Variants in NEK1 observed in about 807,000 individuals in gnomAD.
NEK1 encodes the protein NIMA related kinase 1.
NEK1 carries 137 observed loss-of-function variants against 182.1 expected under a neutral mutation model. The ratio of observed to expected loss-of-function variants is 0.75; its 90% CI spans 0.65 to 0.87. NEK1 has a LOEUF of 0.87. NEK1 is among the 40% of genes least tolerant of loss of function. NEK1 has a pLI of 0.00. For missense variants in NEK1, 1,391 were observed against 1,494.4 expected (o/e 0.93, Z 1.14); for synonymous variants, 513 against 492.2 (o/e 1.04, Z -0.56).
At chr4:169,561,775 G>C (rs1762944586) in intron 14 of NEK1, 38 bp from the exon 15 acceptor site, 2 of 1,597,666 alleles carry the variant, frequency 1.3e-6, no homozygotes, top group Non-Finnish European at 1.7e-6. Context: ...TACAACTCTT[G>C]AACCTATTAT....
chr4:169,580,657 G>T (rs1013412056), intron 11 of NEK1, among the ~76,000 whole-genome samples, 185 bp downstream of exon 11: 1 of 151,866 alleles, frequency 6.6e-6, no homozygotes, highest in Admixed American at 6.6e-5. Context: ...AACAATAAAT[G>T]AGAATGTTAT....
At chr4:169,579,914 G>T (rs930456006) in intron 11 of NEK1, among the ~76,000 whole-genome samples, 2 of 152,070 alleles carry the variant, frequency 1.3e-5, no homozygotes, top group Non-Finnish European at 2.9e-5. Flanking sequence ...ATTCAAAATG[G>T]AGTAGTACAA....
At chr4:169,482,457 T>A (rs1401507416) in intron 23 of NEK1, among the ~76,000 whole-genome samples, 1 of 151,756 alleles carries the variant, frequency 6.6e-6, no homozygotes, top group East Asian at 1.9e-4. Flanking sequence ...CACATCCAGC[T>A]AATTTTTCTT....
chr4:169,489,968 G>C (rs1160564136), intron 23 of NEK1, among the ~76,000 whole-genome samples: 2 of 151,988 alleles, frequency 1.3e-5, no homozygotes, highest in African/African-American at 4.8e-5. Flanking sequence ...AGTGGGCCCA[G>C]GACCCTAGCA....
chr4:169,463,833 A>C (rs1212125243), intron 26 of NEK1, among the ~76,000 whole-genome samples: 1 of 152,054 alleles, frequency 6.6e-6, no homozygotes, highest in East Asian at 1.9e-4. Context: ...GAGTCTCACT[A>C]TGTTGCCCAG....
intron 19 of NEK1, 92 bp from the exon 20 acceptor site, chr4:169,508,944 TG>T: frequency 2.0e-6 from 2 of 1,001,430 alleles, no homozygotes; most frequent in Admixed American, 2.2e-5. Context: ...TTATTTCTTT[TG>T]GCAAATACTG....
At chr4:169,566,186 A>G (rs1051058658) in intron 12 of NEK1, among the ~76,000 whole-genome samples, 1 of 152,230 alleles carries the variant, frequency 6.6e-6, no homozygotes, top group African/African-American at 2.4e-5. Flanking sequence ...GATTATATAT[A>G]TATTACACAA....
intron 19 of NEK1, among the ~76,000 whole-genome samples, chr4:169,510,300 G>A (rs1169435197): frequency 2.0e-5 from 3 of 151,920 alleles, no homozygotes; most frequent in South Asian, 2.1e-4. Flanking sequence ...CCACTCTTAC[G>A]CAGCAAAGCT....
At chr4:169,575,051 G>A (rs1024649437) in intron 12 of NEK1, among the ~76,000 whole-genome samples, 1 of 152,172 alleles carries the variant, frequency 6.6e-6, no homozygotes, top group Non-Finnish European at 1.5e-5. Flanking sequence ...AAACTATGCA[G>A]GGGTGGGGGC....
intron 27 of NEK1, among the ~76,000 whole-genome samples, chr4:169,456,330 G>T (rs536563300): frequency 1.2e-4 from 18 of 151,988 alleles, no homozygotes; most frequent in African/African-American, 4.3e-4. Flanking sequence ...AGCAAAGTAA[G>T]CCCAAAAGTA....
intron 13 of NEK1, 97 bp downstream of exon 13, chr4:169,562,040 A>C (rs113086394): frequency 8.6e-6 from 10 of 1,165,848 alleles, no homozygotes; most frequent in Middle Eastern, 5.4e-4. Context: ...GTTTGAAAGA[A>C]ATAAGGAAAG....
chr4:169,571,769 T>C (rs946274756), intron 12 of NEK1, among the ~76,000 whole-genome samples: 3 of 151,998 alleles, frequency 2.0e-5, no homozygotes, highest in Admixed American at 2.0e-4. Context: ...TCACTCTGTC[T>C]CCAGGCTGGA....
At position 169,507,086 on chromosome 4, in the gene NEK1, CG is replaced by C; in HGVS notation, c.1957del (p.Arg653GlufsTer46). ...RAAVLKEQLE[R>X]KRKEAYEREK... is the part of the protein sequence containing the mutation. The stretch of plus-strand genomic sequence containing the variant: ...TCTCTCATAAGCCTCCTTTCTCTTT[CG>C]TTCTAGTTGTTCTTTTAGTACAGCA... On this transcript the variant is annotated frameshift_variant, in exon 23 of 36. Transcript: ENST00000507142. LOFTEE classifies it high-confidence loss of function. The C allele has an allele frequency of 6.2e-7, 1 of 1,608,834 alleles. No individual in the cohort carries two copies. The highest frequency in any genetic ancestry group is 8.5e-7 in the Non-Finnish European group (1 of 1,177,790).
chr4:169,452,449 A>T (rs1741996413), intron 27 of NEK1, among the ~76,000 whole-genome samples: 2 of 152,220 alleles, frequency 1.3e-5, no homozygotes, highest in South Asian at 4.1e-4. Flanking sequence ...GCAGCATATC[A>T]AAAAGCTTAT....
At chr4:169,432,474 T>G (rs1300211263) in intron 29 of NEK1, among the ~76,000 whole-genome samples, 2 of 152,170 alleles carry the variant, frequency 1.3e-5, no homozygotes, top group African/African-American at 4.8e-5. Flanking sequence ...GTCCAGCAGG[T>G]AGGAAACTTG....
Position 169,561,903 on chromosome 4 carries a change from A to G in NEK1, c.1081-12T>C. On this transcript the variant is annotated splice_polypyrimidine_tract_variant and intron_variant, in intron 13 of 35. Coordinates refer to ENST00000507142, the MANE Select transcript of NEK1 (RefSeq NM_001199397.3). ...TTTCTTGCTGCTTCCTTAAATAAAAAAAAGAACATTTTAATCCATAATAAT... is the reference window on the plus strand; with the variant it reads ...TTTCTTGCTGCTTCCTTAAATAAAAGAAAGAACATTTTAATCCATAATAAT... 1 of 1,591,932 alleles carries G rather than the reference A, an allele frequency of 6.3e-7. No homozygotes were observed. The highest frequency in any genetic ancestry group is 8.6e-7 in the Non-Finnish European group (1 of 1,169,324).
chr4:169,493,504 C>T (rs1392032760), intron 23 of NEK1, among the ~76,000 whole-genome samples: 2 of 152,092 alleles, frequency 1.3e-5, no homozygotes, highest in Admixed American at 6.5e-5. Context: ...GGAAACTCCA[C>T]AAGATCTGAG....
At chr4:169,533,536 T>C (rs1278966395) in intron 19 of NEK1, among the ~76,000 whole-genome samples, 3 of 152,182 alleles carry the variant, frequency 2.0e-5, no homozygotes, top group Non-Finnish European at 4.4e-5. Context: ...ACAACAATTA[T>C]ATACTACCAG....
intron 19 of NEK1, among the ~76,000 whole-genome samples, chr4:169,511,190 T>A (rs1352333120): frequency 6.6e-6 from 1 of 152,146 alleles, no homozygotes; most frequent in African/African-American, 2.4e-5. Context: ...CTACCTTTTT[T>A]CTTTTGCAGC....
Sources: gnomAD v4.1 joint callset for allele counts (sites outside exome capture counted in the v4.1 genomes callset) on GRCh38, gnomAD v4.1.1 for gene constraint, MANE v1.5 for transcripts, NCBI Gene and HGNC (gene_info 2026-07-23, HGNC 2026-07-21) for gene names.